The following PMEPA1 variants were observed in gnomAD, a reference collection of about 807,000 sequenced individuals.
PMEPA1 encodes the protein prostate transmembrane protein, androgen induced 1.
Under a neutral mutation model 23.0 loss-of-function variants are expected in PMEPA1, and 11 were observed. The ratio of observed to expected loss-of-function variants is 0.48; its 90% CI spans 0.30 to 0.79. The LOEUF (loss-of-function observed/expected upper bound fraction) is 0.79. Among genes scored for constraint, PMEPA1 ranks in the 30% least tolerant of loss-of-function variants. The pLI, the probability that PMEPA1 is intolerant of heterozygous loss-of-function variation, is 0.06. For missense variants in PMEPA1, 377 were observed against 390.9 expected, an observed-to-expected ratio of 0.96 and a Z score of 0.30; for synonymous variants, 204 against 166.4, an observed-to-expected ratio of 1.23 and a Z score of -1.74.
Position 57,709,651 on chromosome 20 carries a change from C to T in PMEPA1, c.-69G>A. On this transcript the variant is annotated 5_prime_UTR_variant, in exon 1 of 4. Transcript: ENST00000341744. ...CGGCCGGGGGGGGCTCCGGCCGGCG[C>T]CCGGAGCTGGGGCCCCGCATGCAGG... 2 of 974,660 alleles carry T rather than the reference C, an allele frequency of 2.1e-6. No individual in the cohort carries two copies. The highest frequency in any genetic ancestry group is 2.4e-6 in the Non-Finnish European group (2 of 822,028). The allele number at this position is 974,660 out of a possible 1,614,324, so 60.4% of individuals were successfully genotyped here. A position where few individuals can be genotyped will look rare whatever the true frequency, so the allele number is the denominator to read the frequency against.
In PMEPA1 at chr20:57,704,519, G is replaced by C. The variant is rs1168275707; in HGVS notation, c.109+4955C>G. Among the ~76,000 whole-genome samples, 2 of 152,224 alleles carry C rather than the reference G, an allele frequency of 1.3e-5. No individual in the cohort carries two copies. Among genetic ancestry groups the C allele is most frequent in the Non-Finnish European group, 2.9e-5 (2 of 68,038 alleles). The stretch of plus-strand genomic sequence containing the variant: ...TCAGCATGTGCACCGTACAGAACCC[G>C]AGGCTGGCAGCAGCACAGCCTCCGA... On this transcript the variant is annotated intron_variant, in intron 1 of 3. Coordinates refer to ENST00000341744, the MANE Select transcript of PMEPA1 (RefSeq NM_020182.5). This position sits in a 1 kb window ranked among gnomAD's most constrained non-coding sequence, Gnocchi z 4.6.
intron 1 of PMEPA1, among the ~76,000 whole-genome samples, chr20:57,690,085 A>G (rs1006985658): frequency 2.0e-5 from 3 of 152,202 alleles, no homozygotes; most frequent in Non-Finnish European, 4.4e-5. Context: ...GATAAGGAGG[A>G]CGAGGCTCTT....
chr20:57,675,958 C>T (rs1354564197), intron 1 of PMEPA1, among the ~76,000 whole-genome samples: 3 of 152,056 alleles, frequency 2.0e-5, no homozygotes, highest in Non-Finnish European at 4.4e-5. Context: ...AGACATCAGC[C>T]GCCTCTCCCT....
At chr20:57,695,388 AC>A (rs1334605927) in intron 1 of PMEPA1, among the ~76,000 whole-genome samples, 1 of 152,226 alleles carries the variant, frequency 6.6e-6, no homozygotes, top group African/African-American at 2.4e-5. Flanking sequence ...GGTACCCGTT[AC>A]GGGCCCAGAT....
intron 1 of PMEPA1, among the ~76,000 whole-genome samples, chr20:57,681,966 C>T (rs151096189): frequency 1.4e-4 from 22 of 152,260 alleles, no homozygotes; most frequent in Middle Eastern, 3.4e-3. Context: ...ATAAAGCAGC[C>T]CCCAGGCACA....
At position 57,683,627 on chromosome 20, in the gene PMEPA1, A is replaced by G. The variant is rs1202207416; in HGVS notation, c.110-23930T>C. 6.6e-6 allele frequency among the ~76,000 whole-genome samples: 1 copy of G among 151,262 alleles called. No homozygotes were observed. The highest frequency in any genetic ancestry group is 1.5e-5 in the Non-Finnish European group (1 of 67,924). On this transcript the variant is annotated intron_variant, in intron 1 of 3. Transcript: ENST00000341744. The surrounding 1 kb of genome is among the most constrained non-coding windows in gnomAD (Gnocchi z 4.3). ...TCCCCTGAAAATACTTCATGTTGATATTTCTTCTTAAAGATGCTGTAATTA... is the reference window on the plus strand; with the variant it reads ...TCCCCTGAAAATACTTCATGTTGATGTTTCTTCTTAAAGATGCTGTAATTA...
At chr20:57,691,933 CT>C (rs2071887884) in intron 1 of PMEPA1, 1 of 152,342 alleles carries the variant, frequency 6.6e-6, no homozygotes, top group Non-Finnish European at 1.5e-5. Flanking sequence ...AAACCTCCCC[CT>C]GGGCAGAACT....
chr20:57,678,071 T>G (rs1425959534), intron 1 of PMEPA1, among the ~76,000 whole-genome samples: 3 of 152,172 alleles, frequency 2.0e-5, no homozygotes, highest in African/African-American at 7.2e-5. Flanking sequence ...AAGGGTAGAA[T>G]GAGATGTTCT....
chr20:57,692,921 A>G (rs1282607282), intron 1 of PMEPA1, among the ~76,000 whole-genome samples: 1 of 152,198 alleles, frequency 6.6e-6, no homozygotes, highest in African/African-American at 2.4e-5. Context: ...TCAACTGTTT[A>G]TCTCAATCCC....
At chr20:57,662,229 G>A (rs547246905) in intron 1 of PMEPA1, among the ~76,000 whole-genome samples, 7 of 152,340 alleles carry the variant, frequency 4.6e-5, no homozygotes, top group South Asian at 2.1e-4. Flanking sequence ...TGTGGTAACC[G>A]TCCTGCACCG....
At chr20:57,653,264 A>G (rs1461307532) in intron 2 of PMEPA1, among the ~76,000 whole-genome samples, 178 bp from the exon 3 acceptor site, 1 of 152,066 alleles carries the variant, frequency 6.6e-6, no homozygotes. Context: ...CCAGGACGTG[A>G]GCGCAATCAC....
At chr20:57,700,346 G>A (rs1030915848) in intron 1 of PMEPA1, among the ~76,000 whole-genome samples, 8 of 152,224 alleles carry the variant, frequency 5.3e-5, no homozygotes, top group African/African-American at 1.7e-4. Flanking sequence ...TGCCAAGATC[G>A]TGCAACTTTT....
chr20:57,683,554 C>CGT lies in PMEPA1; in HGVS notation c.110-23859_110-23858dup, dbSNP rs11467205. Among the ~76,000 whole-genome samples, 1,750 of 106,400 alleles carry CGT rather than the reference C, an allele frequency of 0.016. 18 individuals carry two copies. The highest frequency in any genetic ancestry group is 0.046 in the East Asian group (226 of 4,946). The allele number at this position is 106,400 out of a possible 152,430, so 69.8% of individuals were successfully genotyped here. A position where few individuals can be genotyped will look rare whatever the true frequency, so the allele number is the denominator to read the frequency against. ...CGGTGGTGGTGTTCTGGCCTGTGTG[C>CGT]GTGTGTGTGTGTGTGTGTGTGTGTG... On this transcript the variant is annotated intron_variant, in intron 1 of 3. Coordinates refer to ENST00000341744, the MANE Select transcript of PMEPA1 (RefSeq NM_020182.5). This position sits in a 1 kb window ranked among gnomAD's most constrained non-coding sequence, Gnocchi z 4.3.
chr20:57,703,293 C>A (rs534131561), intron 1 of PMEPA1, among the ~76,000 whole-genome samples: 43 of 152,346 alleles, frequency 2.8e-4, no homozygotes, highest in African/African-American at 9.9e-4. Flanking sequence ...AATGGTTTGC[C>A]CCCACATATG....
At chr20:57,660,182 C>A (rs965186849) in intron 1 of PMEPA1, among the ~76,000 whole-genome samples, 10 of 152,160 alleles carry the variant, frequency 6.6e-5, no homozygotes, top group Middle Eastern at 3.4e-3. Context: ...GAGAAGGGGA[C>A]CCCTGAGTGC....
At chr20:57,663,316 G>A (rs1381977734) in intron 1 of PMEPA1, among the ~76,000 whole-genome samples, 2 of 152,186 alleles carry the variant, frequency 1.3e-5, no homozygotes, top group Admixed American at 1.3e-4. Context: ...GAGGAGCAGG[G>A]TGGTGGCAGG....
Position 57,648,477 on chromosome 20 carries a change from C to T in PMEPA1, c.*3576G>A, listed in dbSNP as rs538567567. 1 of 152,778 alleles carries T rather than the reference C, an allele frequency of 6.5e-6. No homozygotes were observed. Among genetic ancestry groups the T allele is most frequent in the East Asian group, 1.9e-4 (1 of 5,190 alleles). 9.5% of individuals were successfully genotyped at this position (152,778 alleles called of 1,614,324 possible). ...ATTGCCACTAATGATTACTGATACA[C>T]AACAAGCAGTTTCTTCAGGCCTGTG... On this transcript the variant is annotated 3_prime_UTR_variant, in exon 4 of 4. Transcript: ENST00000341744.
rs966104969 is a variant in PMEPA1, at chr20:57,650,666, C to G, written c.*1387G>C. 1 of 152,270 alleles carries G rather than the reference C, an allele frequency of 6.6e-6. No individual in the cohort carries two copies. The highest frequency in any genetic ancestry group is 2.4e-5 in the African/African-American group (1 of 41,458). The allele number at this position is 152,270 out of a possible 1,614,324, so 9.4% of individuals were successfully genotyped here. On this transcript the variant is annotated 3_prime_UTR_variant, in exon 4 of 4. Coordinates refer to ENST00000341744, the MANE Select transcript of PMEPA1 (RefSeq NM_020182.5). Reference sequence around the variant, plus strand: ...GGGGAAGAGAAGGTGAAGAATTCTGCGCCCGAAGCTCGGGTTGGTGTTTGC... The same window carrying G: ...GGGGAAGAGAAGGTGAAGAATTCTGGGCCCGAAGCTCGGGTTGGTGTTTGC...
Position 57,651,789 on chromosome 20 carries a change from A to AT in PMEPA1, c.*263dup, listed in dbSNP as rs576943081. On this transcript the variant is annotated 3_prime_UTR_variant, in exon 4 of 4. Coordinates refer to ENST00000341744, the MANE Select transcript of PMEPA1 (RefSeq NM_020182.5). ...AGAAACAAGAAAGACTACTGTAGAAATTTTTTTTCTTTTGCCTTCAAGACA... is the reference window on the plus strand; with the variant it reads ...AGAAACAAGAAAGACTACTGTAGAAATTTTTTTTTCTTTTGCCTTCAAGACA... 6.2e-6 allele frequency: 2 copies of AT among 323,132 alleles called. No individual in the cohort carries two copies. The highest frequency in any genetic ancestry group is 2.1e-5 in the African/African-American group (1 of 46,924). The allele number at this position is 323,132 out of a possible 1,614,324, so 20.0% of individuals were successfully genotyped here. A position where few individuals can be genotyped will look rare whatever the true frequency, so the allele number is the denominator to read the frequency against.
Sources: allele counts gnomAD v4.1 joint callset (sites outside exome capture counted in the v4.1 genomes callset), GRCh38; gene constraint gnomAD v4.1.1; non-coding constraint Gnocchi (gnomAD v3.1); transcripts MANE v1.5; gene names NCBI Gene and HGNC (gene_info 2026-07-23, HGNC 2026-07-21).